Variants in SLC41A2 observed in about 807,000 individuals in gnomAD.
SLC41A2 encodes the protein SLC41A1-like 1.
Under a neutral mutation model 58.3 loss-of-function variants are expected in SLC41A2, and 32 were observed. That is an observed-to-expected ratio of 0.55 (90% confidence interval 0.41 to 0.74). The LOEUF is 0.74. Among genes scored for constraint, SLC41A2 ranks in the 30% least tolerant of loss-of-function variants. The probability of loss-of-function intolerance (pLI) is 0.00; values close to 1 mark genes in which losing one functional copy is unlikely to be tolerated. For synonymous variants in SLC41A2, 190 were observed against 235.0 expected (o/e 0.81, Z 1.75); for missense variants, 514 against 680.6 (o/e 0.76, Z 2.72).
rs866275595 is a variant in SLC41A2, at chr12:104,854,070, A to G, written c.1255+7221T>C. Among the ~76,000 whole-genome samples the G allele has an allele frequency of 2.6e-5, 4 of 151,746 alleles. No individual in the cohort carries two copies. The South Asian group carries it at 6.2e-4, about 24-fold the overall frequency. On this transcript the variant is annotated intron_variant, in intron 8 of 10. Coordinates refer to ENST00000258538, the MANE Select transcript of SLC41A2 (RefSeq NM_001352171.3). ...CCAGCGTGCTCAGCCTAGATTATAC[A>G]TTCTTAACAGAGGTGAAAACTGGTT...
intron 6 of SLC41A2, among the ~76,000 whole-genome samples, chr12:104,873,742 T>C (rs187958255): frequency 7.9e-4 from 121 of 152,324 alleles, no homozygotes; most frequent in African/African-American, 2.9e-3. Flanking sequence ...AAATGATATC[T>C]CATTTCAGTT....
intron 3 of SLC41A2, among the ~76,000 whole-genome samples, chr12:104,907,610 T>C (rs2045908434): frequency 6.6e-6 from 1 of 152,250 alleles, no homozygotes; most frequent in Non-Finnish European, 1.5e-5. Context: ...TAGGTTTTTG[T>C]TACTGCTGTT....
intron 5 of SLC41A2, among the ~76,000 whole-genome samples, chr12:104,886,803 C>CAA (rs372541605): frequency 2.7e-5 from 4 of 148,704 alleles, no homozygotes; most frequent in African/African-American, 9.9e-5. Context: ...ATGAAAACAT[C>CAA]AAAAAAAAAG....
intron 2 of SLC41A2, among the ~76,000 whole-genome samples, chr12:104,922,368 CT>C (rs770239192): frequency 1.3e-5 from 2 of 151,668 alleles, no homozygotes; most frequent in Non-Finnish European, 2.9e-5. Context: ...CAAAGAATAG[CT>C]ATATTTATGC....
intron 4 of SLC41A2, among the ~76,000 whole-genome samples, chr12:104,894,952 G>A (rs1459739924): frequency 6.6e-6 from 1 of 152,034 alleles, no homozygotes; most frequent in Non-Finnish European, 1.5e-5. Context: ...ACTTAATGAA[G>A]TGCTAAATAT....
At chr12:104,939,669 T>C (rs1009348704) in intron 1 of SLC41A2, among the ~76,000 whole-genome samples, 1 of 152,200 alleles carries the variant, frequency 6.6e-6, no homozygotes, top group Admixed American at 6.5e-5. Context: ...GAGCTGAAAG[T>C]CAGGAGACAC....
chr12:104,932,542 T>C (rs1034678803), intron 1 of SLC41A2, among the ~76,000 whole-genome samples: 1 of 146,022 alleles, frequency 6.8e-6, no homozygotes. Flanking sequence ...GGAGAAGCAC[T>C]GGAGCCTGGG....
At position 104,807,132 on chromosome 12, in the gene SLC41A2, T is replaced by G. The variant is rs139054447; in HGVS notation, c.1537-1795A>C. Among the ~76,000 whole-genome samples the G allele has an allele frequency of 4.9e-3, 747 of 152,366 alleles. 13 individuals carry two copies. The East Asian group carries it at 0.059, about 12-fold the overall frequency. ...TGCTTTTGGTGTTTTAGACGTGAAG[T>G]CCTTGCCCATGCCAATGTCCTGAAT... On this transcript the variant is annotated intron_variant, in intron 10 of 10. Transcript: ENST00000258538.
chr12:104,848,443 G>A (rs886836785), intron 8 of SLC41A2, among the ~76,000 whole-genome samples: 1 of 151,846 alleles, frequency 6.6e-6, no homozygotes, highest in South Asian at 2.1e-4. Context: ...AAAGCATAAA[G>A]AGGGAATAAA....
intron 3 of SLC41A2, 144 bp downstream of exon 3, chr12:104,909,511 A>G: frequency 1.7e-6 from 1 of 579,860 alleles, no homozygotes; most frequent in Non-Finnish European, 3.0e-6. Flanking sequence ...ATATTTCAGA[A>G]TATGATATCA....
chr12:104,807,487 G>A (rs1356019182), intron 10 of SLC41A2, among the ~76,000 whole-genome samples: 1 of 152,224 alleles, frequency 6.6e-6, no homozygotes, highest in African/African-American at 2.4e-5. Context: ...ATAGTTTGAA[G>A]TCAGGTAGTG....
At chr12:104,873,549 G>A (rs557737149) in intron 6 of SLC41A2, among the ~76,000 whole-genome samples, 1 of 152,238 alleles carries the variant, frequency 6.6e-6, no homozygotes, top group African/African-American at 2.4e-5. Context: ...TACCCAAAAG[G>A]GAGATTGCTG....
At chr12:104,947,362 C>T (rs939221795) in intron 1 of SLC41A2, among the ~76,000 whole-genome samples, 8 of 151,638 alleles carry the variant, frequency 5.3e-5, no homozygotes, top group African/African-American at 1.5e-4. Flanking sequence ...CACCACCATG[C>T]TCGGCTAATT....
chr12:104,808,799 G>A (rs1029938301), intron 10 of SLC41A2, among the ~76,000 whole-genome samples: 1 of 152,098 alleles, frequency 6.6e-6, no homozygotes, highest in African/African-American at 2.4e-5. Flanking sequence ...GTCCTGGGAG[G>A]GTGTATGTGT....
chr12:104,828,088 C>G (rs940906479), intron 10 of SLC41A2, among the ~76,000 whole-genome samples: 1 of 152,104 alleles, frequency 6.6e-6, no homozygotes, highest in Non-Finnish European at 1.5e-5. Context: ...ACCCTGAGAC[C>G]CTAGCAAGCA....
chr12:104,894,884 G>A (rs1246212132), intron 4 of SLC41A2, among the ~76,000 whole-genome samples: 1 of 151,956 alleles, frequency 6.6e-6, no homozygotes, highest in Admixed American at 6.6e-5. Flanking sequence ...ACAAATATCT[G>A]ATCATAATAT....
At chr12:104,826,303 A>G (rs2041842869) in intron 10 of SLC41A2, among the ~76,000 whole-genome samples, 1 of 152,190 alleles carries the variant, frequency 6.6e-6, no homozygotes, top group African/African-American at 2.4e-5. Flanking sequence ...AGGACCATTC[A>G]TTTCAATACC....
At chr12:104,921,495 T>G (rs1247962254) in intron 2 of SLC41A2, among the ~76,000 whole-genome samples, 1 of 149,026 alleles carries the variant, frequency 6.7e-6, no homozygotes. Context: ...CTGAAAGAAA[T>G]TTGAAAAGAA....
At chr12:104,958,345 C>T (rs2048256121), upstream of SLC41A2, 1 of 148,474 alleles carries the variant, frequency 6.7e-6, no homozygotes, top group Admixed American at 6.7e-5. Context: ...CGCCCCCGCG[C>T]GGCAGCCCCG....
Sources: gnomAD v4.1 joint callset for allele counts (sites outside exome capture counted in the v4.1 genomes callset) on GRCh38, gnomAD v4.1.1 for gene constraint, MANE v1.5 for transcripts, NCBI Gene and HGNC (gene_info 2026-07-23, HGNC 2026-07-21) for gene names.